The following FNTA variants were observed in gnomAD, a reference collection of about 807,000 sequenced individuals.
FNTA encodes the protein protein farnesyltransferase/geranylgeranyltransferase type-1 subunit alpha.
In FNTA, 27 loss-of-function variants were observed where a neutral mutation model predicts 55.2. That is an observed-to-expected ratio of 0.49 (90% CI 0.36 to 0.67). The LOEUF is 0.67. Ranked by LOEUF, FNTA falls within the 30% of genes least tolerant of loss-of-function variation. The probability of loss-of-function intolerance (pLI) is 0.00; values close to 1 mark genes in which losing one functional copy is unlikely to be tolerated. For missense variants in FNTA, 422 were observed against 464.7 expected, an observed-to-expected ratio of 0.91 and a Z score of 0.85; for synonymous variants, 176 against 170.7, an observed-to-expected ratio of 1.03 and a Z score of -0.24.
At chr8:43,084,508 G>T in intron 7 of FNTA, 1 of 448,796 alleles carries the variant, frequency 2.2e-6, no homozygotes. Context: ...ATGAGCCACT[G>T]CACCTGGCCA....
At chr8:43,056,843 T>A (rs12541969) in intron 1 of FNTA, 37,878 of 158,094 alleles carry the variant, frequency 0.24, 5,384 homozygotes, top group East Asian at 0.33. Flanking sequence ...GGCGTCGCGA[T>A]TCGTAAATAT....
intron 8 of FNTA, 125 bp downstream of exon 8, chr8:43,085,006 AG>A (rs1811098277): frequency 8.6e-7 from 1 of 1,165,222 alleles, no homozygotes; most frequent in Admixed American, 2.3e-5. Context: ...ATTTCTGGTT[AG>A]GGGCAGCATT....
rs1325272228 is a variant in FNTA at position 43,073,778 on chromosome 8, G to GACT, written c.633+1472_633+1473insCTA. Among the ~76,000 whole-genome samples the GACT allele has an allele frequency of 1.1e-4, 17 of 152,306 alleles. No individual in the cohort carries two copies. The East Asian group carries it at 3.3e-3, about 29-fold the overall frequency. ...TGTTGCTATTGGCATCTATTGGGTAGAGGGCCAGGATGCTGCTAAACATCC... is the reference window on the plus strand; with the variant it reads ...TGTTGCTATTGGCATCTATTGGGTAGACTAGGGCCAGGATGCTGCTAAACATCC... On this transcript the variant is annotated intron_variant, in intron 5 of 8. Coordinates refer to ENST00000302279, the MANE Select transcript of FNTA (RefSeq NM_002027.3).
chr8:43,064,558 A>T (rs796284631), intron 3 of FNTA, among the ~76,000 whole-genome samples: 5 of 151,524 alleles, frequency 3.3e-5, no homozygotes, highest in African/African-American at 1.2e-4. Flanking sequence ...AAGGTGATCC[A>T]CTCCCCGCGG....
chr8:43,078,503 C>G (rs1005404063), intron 6 of FNTA: 2 of 152,102 alleles, frequency 1.3e-5, no homozygotes, highest in African/African-American at 4.8e-5. Flanking sequence ...ATCATTATAT[C>G]TGTTCCAGTG....
At chr8:43,066,366 C>T (rs1810658993) in intron 3 of FNTA, among the ~76,000 whole-genome samples, 1 of 150,670 alleles carries the variant, frequency 6.6e-6, no homozygotes, top group African/African-American at 2.5e-5. Context: ...ACGCCATTCT[C>T]CTGCCTCAGC....
intron 3 of FNTA, among the ~76,000 whole-genome samples, chr8:43,068,003 A>G (rs549349227): frequency 6.6e-6 from 1 of 152,250 alleles, no homozygotes; most frequent in South Asian, 2.1e-4. Flanking sequence ...GGCTTCAAGC[A>G]AGTCTCCTGC....
chr8:43,085,073 T>C, intron 8 of FNTA, 87 bp from the exon 9 acceptor site: 1 of 1,234,472 alleles, frequency 8.1e-7, no homozygotes, highest in Non-Finnish European at 1.1e-6. Context: ...CATTTGAATG[T>C]GATTTGAGTT....
At chr8:43,079,556 G>C (rs529861347) in intron 6 of FNTA, 1 of 152,492 alleles carries the variant, frequency 6.6e-6, no homozygotes, top group East Asian at 1.9e-4. Context: ...GATTGTTCAT[G>C]GACAACGGAC....
At chr8:43,076,833 C>T (rs899078213) in intron 5 of FNTA, 17 of 153,328 alleles carry the variant, frequency 1.1e-4, no homozygotes, top group Admixed American at 3.9e-4. Context: ...GCTGAGTTCA[C>T]GCCATTGCAC....
At chr8:43,056,579 A>C in intron 1 of FNTA, 33 bp downstream of exon 1, 10 of 1,314,538 alleles carry the variant, frequency 7.6e-6, no homozygotes, top group Non-Finnish European at 9.9e-6. Context: ...GGCTCGGGAC[A>C]CTCCCTGGAG....
At chr8:43,078,237 C>T (rs1810952816) in intron 6 of FNTA, 1 of 152,232 alleles carries the variant, frequency 6.6e-6, no homozygotes, top group Admixed American at 6.5e-5. Context: ...GGAGCGTGCA[C>T]TACCCCTCAA....
chr8:43,074,666 G>A (rs543298124), intron 5 of FNTA, among the ~76,000 whole-genome samples: 21 of 152,262 alleles, frequency 1.4e-4, no homozygotes, highest in African/African-American at 4.6e-4. Flanking sequence ...GAAGTCTCAG[G>A]TTTCATACTG....
intron 1 of FNTA, chr8:43,058,833 C>T: frequency 9.1e-6 from 3 of 330,646 alleles, no homozygotes; most frequent in Non-Finnish European, 1.1e-5. Context: ...TATTTTTCTA[C>T]TTATAAAACT....
intron 6 of FNTA, chr8:43,079,987 C>T (rs926230469): frequency 7.2e-5 from 11 of 152,300 alleles, no homozygotes; most frequent in African/African-American, 2.4e-4. Context: ...TGTGACCGAA[C>T]TGCTGCATCA....
chr8:43,072,676 A>G (rs960493078), intron 5 of FNTA, among the ~76,000 whole-genome samples: 3 of 152,128 alleles, frequency 2.0e-5, no homozygotes, highest in African/African-American at 7.2e-5. Context: ...GCAGTGAACT[A>G]TGATTACACC....
chr8:43,085,262 C>A lies in FNTA; in HGVS notation c.1120C>A (p.Pro374Thr). The change falls in exon 9 of 9, where the codon CCA becomes ACA. Residue 374 changes from proline (P) to threonine (T), a missense_variant. This residue lies in a region of FNTA where 262 missense variants were observed against 343.1 expected (regional missense o/e 0.76). Coordinates refer to ENST00000302279, the MANE Select transcript of FNTA (RefSeq NM_002027.3). ...QSKHSTENDS[P>T]TNVQQ ...CAAACACAGCACAGAAAATGACTCA[C>A]CAACAAATGTACAGCAATAACACCA... 6.2e-7 allele frequency: 1 copy of A among 1,607,260 alleles called. No individual in the cohort carries two copies. Among genetic ancestry groups the A allele is most frequent in the Non-Finnish European group, 8.5e-7 (1 of 1,178,716 alleles).
chr8:43,072,928 CA>C (rs1810826433), intron 5 of FNTA, among the ~76,000 whole-genome samples: 1 of 152,058 alleles, frequency 6.6e-6, no homozygotes, highest in Non-Finnish European at 1.5e-5. Flanking sequence ...GCATATTATA[CA>C]TTTTTTTCAT....
intron 1 of FNTA, chr8:43,058,884 G>A (rs958478191): frequency 3.0e-5 from 12 of 404,908 alleles, no homozygotes; most frequent in Middle Eastern, 6.3e-4. Context: ...AGCATCTGAG[G>A]GTTATTTGTT....
Sources: gnomAD v4.1 joint callset for allele counts (sites outside exome capture counted in the v4.1 genomes callset) on GRCh38, gnomAD v4.1.1 for gene constraint, gnomAD v4.1.1 regional missense constraint, MANE v1.5 for transcripts, NCBI Gene and HGNC (gene_info 2026-07-23, HGNC 2026-07-21) for gene names.